Variants in AP1B1 observed in about 807,000 individuals in gnomAD.
AP1B1 encodes the protein AP-1 complex subunit beta-1.
Under a neutral mutation model 104.3 loss-of-function variants are expected in AP1B1, and 36 were observed. That is an observed-to-expected ratio of 0.35 (90% CI 0.26 to 0.46). The LOEUF (loss-of-function observed/expected upper bound fraction) is 0.46, where lower values mean the gene tolerates loss of function less well. AP1B1 is among the 20% of genes least tolerant of loss of function. The pLI is 1.00. For synonymous variants in AP1B1, 504 were observed against 517.5 expected, an observed-to-expected ratio of 0.97 and a Z score of 0.35; for missense variants, 901 against 1,247.9, an observed-to-expected ratio of 0.72 and a Z score of 4.19.
At position 29,359,768 on chromosome 22, in the gene AP1B1, G is replaced by C. The variant is rs548920439; in HGVS notation, c.279+56C>G. ...CAGGGCCCCGCCCCAAAGAGACTGA[G>C]GGGAGACAGAGCCTTAAGCACCCAA... On this transcript the variant is annotated intron_variant, in intron 4 of 22. Coordinates refer to ENST00000357586, the MANE Select transcript of AP1B1 (RefSeq NM_001127.4). 1.5e-5 allele frequency: 24 copies of C among 1,570,826 alleles called. No homozygotes were observed. In the East Asian group the frequency reaches 5.0e-4, roughly 33 times the overall value.
rs376708993 is a variant in AP1B1 at position 29,379,044 on chromosome 22, G to A, written c.-28+9380C>T. On this transcript the variant is annotated intron_variant, in intron 1 of 22. Coordinates refer to ENST00000357586, the MANE Select transcript of AP1B1 (RefSeq NM_001127.4). The stretch of plus-strand genomic sequence containing the variant: ...AACTGATCTATAAGCCGTAATGTGC[G>A]GAAAGATCTGCTGTGAAGAAAAAAA... Among the ~76,000 whole-genome samples, 21 of 151,882 alleles carry A rather than the reference G, an allele frequency of 1.4e-4. 1 individual carries two copies. In the East Asian group the frequency reaches 2.0e-3, roughly 14 times the overall value.
chr22:29,346,318 C>A (rs771489478), intron 11 of AP1B1, among the ~76,000 whole-genome samples: 4 of 152,206 alleles, frequency 2.6e-5, no homozygotes, highest in Non-Finnish European at 5.9e-5. Context: ...GGGGCAGAAG[C>A]ACACCCCTAC....
chr22:29,330,843 G>T, intron 19 of AP1B1, 134 bp from the exon 20 acceptor site: 1 of 730,330 alleles, frequency 1.4e-6, no homozygotes, highest in Non-Finnish European at 2.3e-6. Flanking sequence ...CTGCCGCACA[G>T]CCCTCCTGCT....
At chr22:29,359,676 T>G (rs1004344048) in intron 4 of AP1B1, 148 bp downstream of exon 4, 2 of 979,282 alleles carry the variant, frequency 2.0e-6, no homozygotes, top group Non-Finnish European at 3.0e-6. Flanking sequence ...AGCCCTCTGC[T>G]GGAGGAAGAG....
chr22:29,330,519 G>C lies in AP1B1; in HGVS notation c.2625C>G (p.Ser875Arg). 1 of 1,610,428 alleles carries C rather than the reference G, an allele frequency of 6.2e-7. No homozygotes were observed. The highest frequency in any genetic ancestry group is 8.5e-7 in the Non-Finnish European group (1 of 1,176,978). Residue 875 changes from serine to arginine, a missense_variant, in exon 21 of 23, where the codon AGC becomes AGG. Ser to Arg is a moderately radical substitution (Grantham distance 110). Coordinates refer to ENST00000357586, the MANE Select transcript of AP1B1 (RefSeq NM_001127.4). ...DCPLNAEAAS[S>R]KLQSSNIFTV... ...TGAAGATGTTGCTGCTCTGCAGCTT[G>C]CTGCTCGCAGCCTCTGTGGGGTCAC... is the stretch of plus-strand genomic sequence containing the variant.
intron 1 of AP1B1, among the ~76,000 whole-genome samples, chr22:29,388,006 C>G (rs1036388995): frequency 6.6e-6 from 1 of 152,154 alleles, no homozygotes; most frequent in African/African-American, 2.4e-5. Flanking sequence ...GGCACGGGAC[C>G]GTTTTCTAGT....
intron 11 of AP1B1, among the ~76,000 whole-genome samples, chr22:29,345,091 C>T (rs1284709328): frequency 3.3e-5 from 5 of 152,144 alleles, no homozygotes; most frequent in African/African-American, 1.2e-4. Context: ...CAAGGTCTCG[C>T]TCTGTTGCCC....
intron 11 of AP1B1, among the ~76,000 whole-genome samples, chr22:29,348,967 T>C (rs931108305): frequency 6.6e-6 from 1 of 152,374 alleles, no homozygotes; most frequent in Middle Eastern, 3.4e-3. Context: ...AAAATATGAC[T>C]ATGGAATTAA....
intron 2 of AP1B1, among the ~76,000 whole-genome samples, chr22:29,366,178 C>A (rs1036251712): frequency 2.0e-5 from 3 of 152,142 alleles, no homozygotes; most frequent in Non-Finnish European, 4.4e-5. Flanking sequence ...ACGACGACAT[C>A]CTCCATTTCC....
chr22:29,368,529 C>T (rs2062179432), intron 1 of AP1B1, among the ~76,000 whole-genome samples: 1 of 152,194 alleles, frequency 6.6e-6, no homozygotes, highest in Admixed American at 6.5e-5. Context: ...CACATTATCT[C>T]ACTTAATCTT....
chr22:29,371,258 G>GA (rs2062231820), intron 1 of AP1B1, among the ~76,000 whole-genome samples: 1 of 152,126 alleles, frequency 6.6e-6, no homozygotes, highest in South Asian at 2.1e-4. Flanking sequence ...CGCAGGAATG[G>GA]AAAAAACCCT....
chr22:29,342,350 G>C lies in AP1B1; in HGVS notation c.1471C>G (p.Leu491Val). ...QLQLLTAIVK[L>V]FLKKPTETQE... ...GTCTCTGTTGGCTTCTTTAGAAAGA[G>C]TTTCACAATGGCTGTCAGCAGCTGC... The change falls in exon 12 of 23, where the codon CTC (leucine) becomes GTC (valine). Residue 491 changes from leucine to valine, a missense_variant. Physicochemically the swap from Leu to Val is conservative, Grantham distance 32. Transcript: ENST00000357586. The C allele has an allele frequency of 1.2e-6, 2 of 1,614,178 alleles. No individual in the cohort carries two copies. The highest frequency in any genetic ancestry group is 1.1e-5 in the South Asian group (1 of 91,072).
chr22:29,332,813 G>A (rs1241462020), intron 17 of AP1B1, among the ~76,000 whole-genome samples: 5 of 152,202 alleles, frequency 3.3e-5, no homozygotes, highest in Non-Finnish European at 7.3e-5. Flanking sequence ...CCCCAGGTCC[G>A]CTTGGTGGCT....
At chr22:29,335,332 C>T (rs1055149085) in intron 16 of AP1B1, among the ~76,000 whole-genome samples, 8 of 152,182 alleles carry the variant, frequency 5.3e-5, no homozygotes, top group Admixed American at 1.3e-4. Flanking sequence ...GCTTCCGCAG[C>T]GCACTCAGTG....
intron 12 of AP1B1, 115 bp downstream of exon 12, chr22:29,342,170 C>A: frequency 1.2e-6 from 1 of 847,704 alleles, no homozygotes. Context: ...CAGTCCCACC[C>A]ACAAGATACC....
At chr22:29,341,180 C>G (rs538667986) in intron 13 of AP1B1, among the ~76,000 whole-genome samples, 10 of 152,340 alleles carry the variant, frequency 6.6e-5, no homozygotes, top group Non-Finnish European at 1.5e-4. Context: ...GAGGAGGAGG[C>G]GCAGACAGGG....
chr22:29,339,416 C>T (rs1263565872), intron 15 of AP1B1, among the ~76,000 whole-genome samples: 2 of 152,100 alleles, frequency 1.3e-5, no homozygotes, highest in African/African-American at 2.4e-5. Flanking sequence ...AAGGAGGTCC[C>T]AAGACACACG....
chr22:29,333,299 A>T (rs2061589300), intron 17 of AP1B1: 1 of 154,694 alleles, frequency 6.5e-6, no homozygotes, highest in Non-Finnish European at 1.5e-5. Flanking sequence ...TCCATGACGC[A>T]ACCTTCCCAC....
chr22:29,359,795 G>A (rs760165570), intron 4 of AP1B1, 29 bp downstream of exon 4: 3 of 1,599,654 alleles, frequency 1.9e-6, no homozygotes, highest in Admixed American at 3.4e-5. Context: ...AGCACCCAAT[G>A]TCCCCACGCC....
Sources: gnomAD v4.1 joint callset for allele counts (sites outside exome capture counted in the v4.1 genomes callset) on GRCh38, gnomAD v4.1.1 for gene constraint, MANE v1.5 for transcripts, NCBI Gene and HGNC (gene_info 2026-07-23, HGNC 2026-07-21) for gene names.